Variants in CREB5 observed in about 807,000 individuals in gnomAD.
CREB5 encodes the protein cyclic AMP-responsive element-binding protein 5.
In CREB5, 19 loss-of-function variants were observed where a neutral mutation model predicts 57.1. That is an observed-to-expected ratio of 0.33 (90% CI 0.23 to 0.49). The LOEUF is 0.49. Among genes scored for constraint, CREB5 ranks in the 20% least tolerant of loss-of-function variants. The pLI, the probability that CREB5 is intolerant of heterozygous loss-of-function variation, is 0.99. For missense variants in CREB5, 579 were observed against 671.6 expected, an observed-to-expected ratio of 0.86 and a Z score of 1.52; for synonymous variants, 238 against 238.3, an observed-to-expected ratio of 1.00 and a Z score of 0.01.
At chr7:28,796,360 G>A (rs770821858) in intron 7 of CREB5, among the ~76,000 whole-genome samples, 2 of 152,210 alleles carry the variant, frequency 1.3e-5, no homozygotes, top group Middle Eastern at 3.4e-3. Context: ...GAATATGTCC[G>A]TGTTTCATTC....
intron 7 of CREB5, among the ~76,000 whole-genome samples, chr7:28,757,672 A>C (rs1018641178): frequency 1.5e-5 from 2 of 133,926 alleles, no homozygotes; most frequent in Non-Finnish European, 3.1e-5. Flanking sequence ...ACTCCGTCTC[A>C]AAAAAAAAAA....
intron 4 of CREB5, among the ~76,000 whole-genome samples, chr7:28,560,811 T>TGCGCGCGC (rs1795067380): frequency 2.9e-5 from 1 of 34,414 alleles, no homozygotes; most frequent in African/African-American, 7.9e-5. Flanking sequence ...TGTGTGCGCG[T>TGCGCGCGC]GTGTGTGTGT....
chr7:28,669,735 G>A (rs941906678), intron 5 of CREB5, among the ~76,000 whole-genome samples: 6 of 152,218 alleles, frequency 3.9e-5, no homozygotes, highest in Non-Finnish European at 5.9e-5. Context: ...GCTCATAGAA[G>A]TAAAGCATTT....
At chr7:28,690,289 C>T (rs1288941970) in intron 5 of CREB5, among the ~76,000 whole-genome samples, 1 of 152,218 alleles carries the variant, frequency 6.6e-6, no homozygotes, top group Admixed American at 6.5e-5. Context: ...AGGCATCAAT[C>T]TCTTCCCTCT....
At chr7:28,732,329 C>T (rs540755032) in intron 7 of CREB5, among the ~76,000 whole-genome samples, 2 of 152,240 alleles carry the variant, frequency 1.3e-5, no homozygotes, top group East Asian at 1.9e-4. Context: ...CAGCCCAGCA[C>T]GCGCATTGCT....
chr7:28,597,108 G>T (rs560986926), intron 5 of CREB5, among the ~76,000 whole-genome samples: 1 of 152,096 alleles, frequency 6.6e-6, no homozygotes, highest in East Asian at 1.9e-4. Flanking sequence ...GTTATATATT[G>T]GTTCCATTAT....
At chr7:28,750,827 A>G (rs1218823218) in intron 7 of CREB5, among the ~76,000 whole-genome samples, 1 of 152,198 alleles carries the variant, frequency 6.6e-6, no homozygotes, top group Non-Finnish European at 1.5e-5. Flanking sequence ...GTGTAATTGA[A>G]GTGTCATGAC....
At chr7:28,527,499 C>T (rs538130142) in intron 4 of CREB5, among the ~76,000 whole-genome samples, 67 of 152,268 alleles carry the variant, frequency 4.4e-4, no homozygotes, top group African/African-American at 1.5e-3. Flanking sequence ...TCTGGGACCA[C>T]ACTTTGAAGA....
chr7:28,750,877 G>A (rs996527859), intron 7 of CREB5, among the ~76,000 whole-genome samples: 2 of 152,128 alleles, frequency 1.3e-5, no homozygotes, highest in East Asian at 1.9e-4. Flanking sequence ...ATCAGGTAAT[G>A]TAATTTCAGG....
chr7:28,416,741 C>T (rs1272305549), intron 1 of CREB5, among the ~76,000 whole-genome samples: 1 of 152,202 alleles, frequency 6.6e-6, no homozygotes, highest in Non-Finnish European at 1.5e-5. Context: ...GGGTCATTTT[C>T]TAAACTACAG....
At position 28,824,811 on chromosome 7, in the gene CREB5, A is replaced by T. The variant is rs1809974675; in HGVS notation, c.*5532A>T. On this transcript the variant is annotated 3_prime_UTR_variant, in exon 11 of 11. Coordinates refer to ENST00000357727, the MANE Select transcript of CREB5 (RefSeq NM_182898.4). ...CACAGCTGAAGTGGGGGGTAAGGCC[A>T]AATTGCCAACACTTGTTAAAAGATT... 1 of 152,656 alleles carries T rather than the reference A, an allele frequency of 6.6e-6. No homozygotes were observed. Among genetic ancestry groups the T allele is most frequent in the Non-Finnish European group, 1.5e-5 (1 of 68,036 alleles). 9.5% of individuals were successfully genotyped at this position (152,656 alleles called of 1,614,324 possible).
chr7:28,637,725 G>A (rs938050564), intron 5 of CREB5, among the ~76,000 whole-genome samples: 2 of 152,208 alleles, frequency 1.3e-5, no homozygotes, highest in Non-Finnish European at 2.9e-5. Context: ...TCTGTGAATT[G>A]AGGGTGTTCA....
At chr7:28,435,410 G>A (rs1173339981) in intron 1 of CREB5, among the ~76,000 whole-genome samples, 1 of 146,308 alleles carries the variant, frequency 6.8e-6, no homozygotes, top group Admixed American at 6.8e-5. Flanking sequence ...TTTGGTCTGG[G>A]AGATTTTGCA....
At chr7:28,376,145 C>T (rs1786818406) in intron 1 of CREB5, among the ~76,000 whole-genome samples, 2 of 152,202 alleles carry the variant, frequency 1.3e-5, no homozygotes, top group African/African-American at 4.8e-5. Flanking sequence ...TGGTGCCAAT[C>T]ATCAGCTGCT....
intron 5 of CREB5, among the ~76,000 whole-genome samples, chr7:28,660,593 A>G (rs1356602751): frequency 6.6e-6 from 1 of 152,164 alleles, no homozygotes; most frequent in Non-Finnish European, 1.5e-5. Flanking sequence ...CAAACATGAA[A>G]TAAAACATTA....
intron 5 of CREB5, among the ~76,000 whole-genome samples, chr7:28,575,463 T>A (rs1795869757): frequency 6.6e-6 from 1 of 152,180 alleles, no homozygotes; most frequent in Non-Finnish European, 1.5e-5. Flanking sequence ...TGCATATGCG[T>A]ATGAATCTAT....
At chr7:28,666,521 C>T (rs142599754) in intron 5 of CREB5, among the ~76,000 whole-genome samples, 3 of 151,440 alleles carry the variant, frequency 2.0e-5, no homozygotes, top group Non-Finnish European at 4.4e-5. Flanking sequence ...AGAATCAGTC[C>T]AAACCCTGTT....
At chr7:28,551,171 GA>G (rs5883148) in intron 4 of CREB5, among the ~76,000 whole-genome samples, 15,815 of 149,406 alleles carry the variant, frequency 0.11, 1,675 homozygotes, top group African/African-American at 0.27. Flanking sequence ...CTTGGGATAG[GA>G]AAAAAAAAAA....
intron 5 of CREB5, among the ~76,000 whole-genome samples, chr7:28,704,154 A>T (rs1272377071): frequency 2.6e-5 from 4 of 152,218 alleles, no homozygotes; most frequent in Non-Finnish European, 5.9e-5. Flanking sequence ...CTCCTAAAAG[A>T]TGTCATTGTG....
Sources: allele counts gnomAD v4.1 joint callset (sites outside exome capture counted in the v4.1 genomes callset), GRCh38; gene constraint gnomAD v4.1.1; transcripts MANE v1.5; gene names NCBI Gene and HGNC (gene_info 2026-07-23, HGNC 2026-07-21).